The following TMEM140 variants were observed in gnomAD, a reference collection of about 807,000 sequenced individuals.
TMEM140 encodes the protein transmembrane protein 140.
For missense variants in TMEM140, 236 were observed against 228.5 expected (o/e 1.03, Z -0.21); for synonymous variants, 107 against 106.8 (o/e 1.00, Z -0.01).
rs376210094 is a variant in TMEM140 at position 135,165,001 on chromosome 7, G to C, written c.*2G>C. 2 of 1,570,794 alleles carry C rather than the reference G, an allele frequency of 1.3e-6. No homozygotes were observed. Among genetic ancestry groups the C allele is most frequent in the African/African-American group, 2.7e-5 (2 of 73,330 alleles). ...GAGAGCAAGCTTGAGAGCTGCTAAA[G>C]GCTTACGTGATTGCAAGGGTTCAGT... On this transcript the variant is annotated 3_prime_UTR_variant, in exon 2 of 2. Transcript: ENST00000275767.
Position 135,164,706 on chromosome 7 carries a change from G to C in TMEM140, c.265G>C (p.Gly89Arg). ...GGGCCTGGCCAGGCTTGGCGTGTACGGGTCCCTGGTCCTCACCCTCTTTGC... is the reference window on the plus strand; with the variant it reads ...GGGCCTGGCCAGGCTTGGCGTGTACCGGTCCCTGGTCCTCACCCTCTTTGC... Reference protein sequence around the residue: ...GLGLARLGVYGSLVLTLFAPQ... With the variant: ...GLGLARLGVYRSLVLTLFAPQ... Residue 89 changes from glycine (G) to arginine (R), a missense_variant, in exon 2 of 2, where the codon GGG becomes CGG. Physicochemically the swap from Gly to Arg is moderately radical, Grantham distance 125. Coordinates refer to ENST00000275767, the MANE Select transcript of TMEM140 (RefSeq NM_018295.5). 1 of 1,614,200 alleles carries C rather than the reference G, an allele frequency of 6.2e-7. No individual in the cohort carries two copies. The highest frequency in any genetic ancestry group is 8.5e-7 in the Non-Finnish European group (1 of 1,180,022).
At chr7:135,152,571 C>CTAA (rs1829690467) in intron 1 of TMEM140, among the ~76,000 whole-genome samples, 1 of 152,218 alleles carries the variant, frequency 6.6e-6, no homozygotes, top group African/African-American at 2.4e-5. Context: ...AAGTGCTTAG[C>CTAA]ACAGGGCCTG....
intron 1 of TMEM140, among the ~76,000 whole-genome samples, chr7:135,154,361 A>T (rs968305285): frequency 7.9e-5 from 12 of 152,100 alleles, no homozygotes; most frequent in African/African-American, 2.9e-4. Flanking sequence ...TGTTTCATTT[A>T]GTTCTGCTCT....
At chr7:135,148,388 G>A in intron 1 of TMEM140, 118 bp downstream of exon 1, 1 of 313,390 alleles carries the variant, frequency 3.2e-6, no homozygotes, top group East Asian at 9.3e-5. Flanking sequence ...GAACTCACTG[G>A]TTGTTCAGTA....
Position 135,148,661 on chromosome 7 carries a change from G to A in TMEM140, c.-25+391G>A, listed in dbSNP as rs371179739. Reference sequence around the variant, plus strand: ...AATAGGTAAACAAAAGCAGGTCACCGACCAACACTAACTAAACCACTATTC... The same window carrying A: ...AATAGGTAAACAAAAGCAGGTCACCAACCAACACTAACTAAACCACTATTC... On this transcript the variant is annotated intron_variant, in intron 1 of 1. Coordinates refer to ENST00000275767, the MANE Select transcript of TMEM140 (RefSeq NM_018295.5). Among the ~76,000 whole-genome samples the A allele has an allele frequency of 2.6e-4, 39 of 152,296 alleles. No individual in the cohort carries two copies. In the East Asian group the frequency reaches 3.9e-3, roughly 15 times the overall value.
At chr7:135,158,838 G>GA in intron 1 of TMEM140, among the ~76,000 whole-genome samples, 1 of 152,316 alleles carries the variant, frequency 6.6e-6, no homozygotes, top group African/African-American at 2.4e-5. Flanking sequence ...GGCAGCAAGA[G>GA]CCATGTCTGT....
intron 1 of TMEM140, 97 bp downstream of exon 1, chr7:135,148,367 T>C (rs952363795): frequency 9.0e-6 from 3 of 334,042 alleles, no homozygotes; most frequent in Admixed American, 4.4e-5. Flanking sequence ...GTTCTGGCAA[T>C]CCACATAGGG....
Position 135,165,001 on chromosome 7 carries a change from G to A in TMEM140, c.*2G>A. The stretch of plus-strand genomic sequence containing the variant: ...GAGAGCAAGCTTGAGAGCTGCTAAA[G>A]GCTTACGTGATTGCAAGGGTTCAGT... On this transcript the variant is annotated 3_prime_UTR_variant, in exon 2 of 2. Coordinates refer to ENST00000275767, the MANE Select transcript of TMEM140 (RefSeq NM_018295.5). 6.4e-7 allele frequency: 1 copy of A among 1,570,912 alleles called. No homozygotes were observed. The highest frequency in any genetic ancestry group is 8.6e-7 in the Non-Finnish European group (1 of 1,156,122).
At chr7:135,159,260 T>C (rs1048629505) in intron 1 of TMEM140, among the ~76,000 whole-genome samples, 2 of 152,248 alleles carry the variant, frequency 1.3e-5, no homozygotes, top group Non-Finnish European at 2.9e-5. Context: ...TGGAGGCACA[T>C]ACTACCTGTG....
intron 1 of TMEM140, among the ~76,000 whole-genome samples, chr7:135,162,878 A>G (rs983721830): frequency 1.3e-5 from 2 of 152,258 alleles, no homozygotes; most frequent in African/African-American, 4.8e-5. Context: ...ACGGAGTGAA[A>G]AGAATTTTTT....
chr7:135,156,892 T>G (rs1201454883), intron 1 of TMEM140, among the ~76,000 whole-genome samples: 5 of 152,150 alleles, frequency 3.3e-5, no homozygotes, highest in Non-Finnish European at 7.3e-5. Flanking sequence ...GTCTTTCCCA[T>G]GCTATTCTCG....
chr7:135,155,504 T>G (rs1829768468), intron 1 of TMEM140, among the ~76,000 whole-genome samples: 1 of 152,250 alleles, frequency 6.6e-6, no homozygotes, highest in Non-Finnish European at 1.5e-5. Flanking sequence ...ACTATGAGTT[T>G]TATACTTCTG....
chr7:135,163,906 A>C (rs908362155), intron 1 of TMEM140, among the ~76,000 whole-genome samples: 8 of 152,222 alleles, frequency 5.3e-5, no homozygotes, highest in Admixed American at 4.6e-4. Context: ...CCCGAAGCAC[A>C]TAAGTTGAGC....
In TMEM140 at chr7:135,164,441, G is replaced by C. The variant is rs777098999; in HGVS notation, c.-1G>C. 3.6e-5 allele frequency: 57 copies of C among 1,596,682 alleles called. No individual in the cohort carries two copies. The highest frequency in any genetic ancestry group is 4.2e-5 in the Non-Finnish European group (49 of 1,165,252). The stretch of plus-strand genomic sequence containing the variant: ...AGGTCCCCCGGCAGAGGGCAGTAGA[G>C]ATGGCCGGCCCAAGGCCTCGGTGGC... On this transcript the variant is annotated 5_prime_UTR_variant, in exon 2 of 2. Transcript: ENST00000275767.
Position 135,164,420 on chromosome 7 carries a change from C to T in TMEM140, c.-22C>T. On this transcript the variant is annotated splice_region_variant and 5_prime_UTR_variant, in exon 2 of 2. Transcript: ENST00000275767. ...TGACTGCTGTGACTTCCCCGCAGGTCCCCCGGCAGAGGGCAGTAGAGATGG... is the reference window on the plus strand; with the variant it reads ...TGACTGCTGTGACTTCCCCGCAGGTTCCCCGGCAGAGGGCAGTAGAGATGG... 1 of 1,583,836 alleles carries T rather than the reference C, an allele frequency of 6.3e-7. No homozygotes were observed. Among genetic ancestry groups the T allele is most frequent in the Non-Finnish European group, 8.6e-7 (1 of 1,156,336 alleles).
intron 1 of TMEM140, among the ~76,000 whole-genome samples, chr7:135,158,508 C>T (rs1042126209): frequency 6.6e-6 from 1 of 152,218 alleles, no homozygotes. Context: ...CACAGCAGCC[C>T]ATGGCAGGGC....
At chr7:135,154,414 T>C (rs944890826) in intron 1 of TMEM140, among the ~76,000 whole-genome samples, 1 of 152,206 alleles carries the variant, frequency 6.6e-6, no homozygotes, top group Non-Finnish European at 1.5e-5. Context: ...ATTTGGTTTG[T>C]TCCTTTTCTA....
rs919263873 is a variant in TMEM140, at chr7:135,161,337, A to AT, written c.-24-3073dup. Among the ~76,000 whole-genome samples the AT allele has an allele frequency of 5.3e-5, 8 of 152,160 alleles. No homozygotes were observed. The South Asian group carries it at 6.2e-4, about 12-fold the overall frequency. ...TGTTTTCAAAGCAAAACGTTTAATAATTTTTTTTGGAACCCCAGTGTAACA... is the reference window on the plus strand; with the variant it reads ...TGTTTTCAAAGCAAAACGTTTAATAATTTTTTTTTGGAACCCCAGTGTAACA... On this transcript the variant is annotated intron_variant, in intron 1 of 1. Transcript: ENST00000275767. The surrounding 1 kb of genome is among the most constrained non-coding windows in gnomAD (Gnocchi z 4.1).
At chr7:135,153,512 G>A (rs1171006744) in intron 1 of TMEM140, among the ~76,000 whole-genome samples, 2 of 150,840 alleles carry the variant, frequency 1.3e-5, no homozygotes, top group Non-Finnish European at 2.9e-5. Context: ...TGTCGTCAAG[G>A]ATGTGGAGAA....
Sources: gnomAD v4.1 joint callset for allele counts (sites outside exome capture counted in the v4.1 genomes callset) on GRCh38, gnomAD v4.1.1 for gene constraint, Gnocchi (gnomAD v3.1) non-coding constraint, MANE v1.5 for transcripts, NCBI Gene and HGNC (gene_info 2026-07-23, HGNC 2026-07-21) for gene names.